Variants in PRICKLE2 observed in about 807,000 individuals in gnomAD.
The protein encoded by PRICKLE2 is prickle planar cell polarity protein 2, also known as prickle-like protein 2.
PRICKLE2 carries 21 observed loss-of-function variants against 81.4 expected under a neutral mutation model. The ratio of observed to expected loss-of-function variants is 0.26; its 90% confidence interval spans 0.18 to 0.37. The LOEUF (loss-of-function observed/expected upper bound fraction) is 0.37. Ranked by LOEUF, PRICKLE2 falls within the 10% of genes least tolerant of loss-of-function variation. PRICKLE2 has a pLI of 1.00. For synonymous variants in PRICKLE2, 456 were observed against 421.5 expected, an observed-to-expected ratio of 1.08 and a Z score of -1.00; for missense variants, 940 against 1,109.0, an observed-to-expected ratio of 0.85 and a Z score of 2.16.
intron 2 of PRICKLE2, among the ~76,000 whole-genome samples, chr3:64,167,821 C>T (rs1292581473): frequency 2.0e-5 from 3 of 152,212 alleles, no homozygotes; most frequent in Non-Finnish European, 4.4e-5. Context: ...TGTTAAAACA[C>T]AGATTTCTAA....
In PRICKLE2 at chr3:64,153,286, A is replaced by G. The variant is rs2077575900; in HGVS notation, c.683T>C (p.Val228Ala). The change falls in exon 6 of 8, where the codon GTG becomes GCG. Residue 228 changes from valine to alanine, a missense_variant. By Grantham distance (64) the Val-to-Ala change is moderately conservative. Transcript: ENST00000638394. ...KHFCCFECET[V>A]LGGQRYIMKE... ...CATGATGTAGCGCTGGCCGCCCAGC[A>G]CTGTCTCACACTCGAAGCAGCAAAA... 6.2e-7 allele frequency: 1 copy of G among 1,614,182 alleles called. No individual in the cohort carries two copies. The highest frequency in any genetic ancestry group is 8.5e-7 in the Non-Finnish European group (1 of 1,180,012).
intron 7 of PRICKLE2, among the ~76,000 whole-genome samples, chr3:64,133,827 C>T (rs1275213498): frequency 6.6e-6 from 1 of 152,114 alleles, no homozygotes; most frequent in Non-Finnish European, 1.5e-5. Flanking sequence ...TCCCCAGTTA[C>T]GGGGGTCAAC....
intron 2 of PRICKLE2, among the ~76,000 whole-genome samples, chr3:64,193,767 A>G (rs2078394409): frequency 2.6e-5 from 4 of 152,044 alleles, no homozygotes; most frequent in Admixed American, 2.6e-4. Flanking sequence ...ACGAGATCTG[A>G]TGGTTACTAT....
intron 2 of PRICKLE2, chr3:64,194,235 G>C (rs1348885832): frequency 5.3e-5 from 8 of 152,210 alleles, no homozygotes; most frequent in Admixed American, 3.3e-4. Flanking sequence ...AGCAACGTGG[G>C]ATCCCCACTT....
intron 7 of PRICKLE2, chr3:64,105,641 T>TA (rs1460915756): frequency 1.3e-5 from 2 of 152,232 alleles, no homozygotes; most frequent in Non-Finnish European, 2.9e-5. Context: ...AAAGTACACG[T>TA]GATTTATAAT....
At chr3:64,199,297 G>A in intron 1 of PRICKLE2, 3 of 438,278 alleles carry the variant, frequency 6.8e-6, no homozygotes, top group South Asian at 3.1e-5. Flanking sequence ...CACTGGATAT[G>A]GCCCATGACC....
At chr3:64,262,563 A>G (rs2079631442) in intron 2 of PRICKLE2, among the ~76,000 whole-genome samples, 1 of 151,872 alleles carries the variant, frequency 6.6e-6, no homozygotes, top group Non-Finnish European at 1.5e-5. Flanking sequence ...TGGCGTCAAC[A>G]AGGGAGCAAT....
chr3:64,187,827 G>A (rs955106679), intron 2 of PRICKLE2, among the ~76,000 whole-genome samples: 1 of 152,226 alleles, frequency 6.6e-6, no homozygotes, highest in African/African-American at 2.4e-5. Flanking sequence ...CGGTAAAGCT[G>A]GACGCCTGGC....
intron 2 of PRICKLE2, among the ~76,000 whole-genome samples, chr3:64,188,666 TAA>T (rs1268041283): frequency 2.0e-5 from 3 of 152,206 alleles, no homozygotes; most frequent in Non-Finnish European, 4.4e-5. Context: ...CCATCCAATA[TAA>T]AGTAGATAGA....
intron 2 of PRICKLE2, among the ~76,000 whole-genome samples, chr3:64,235,980 G>A (rs1360135514): frequency 6.6e-6 from 1 of 152,182 alleles, no homozygotes; most frequent in South Asian, 2.1e-4. Context: ...CTGGAGAAGA[G>A]AGGATCATGG....
At chr3:64,231,733 C>A (rs1348713252) in intron 2 of PRICKLE2, among the ~76,000 whole-genome samples, 3 of 152,176 alleles carry the variant, frequency 2.0e-5, no homozygotes, top group African/African-American at 7.2e-5. Context: ...ACTGGACATA[C>A]CAGACATCTT....
In PRICKLE2 at chr3:64,099,079, T is replaced by G; in HGVS notation, c.2507A>C (p.Gln836Pro). Residue 836 changes from glutamine (Q) to proline (P), a missense_variant, in exon 8 of 8, where the codon CAG (glutamine) becomes CCG (proline). This residue lies in a region of PRICKLE2 where 670 missense variants were observed against 717.2 expected (regional missense o/e 0.93). Transcript: ENST00000638394. This position sits in a 1 kb window ranked among gnomAD's most constrained non-coding sequence, Gnocchi z 4.3. Reference sequence around the variant, plus strand: ...AGAAATGATACAGTTTTTGCTCTTCTGTCTTTTCCTGCTGTGCAACTGTCC... The same window carrying G: ...AGAAATGATACAGTTTTTGCTCTTCGGTCTTTTCCTGCTGTGCAACTGTCC... ...GRGQLHSRKR[Q>P]KSKNCIIS 1.9e-6 allele frequency: 3 copies of G among 1,614,266 alleles called. No individual in the cohort carries two copies. Among genetic ancestry groups the G allele is most frequent in the Non-Finnish European group, 2.5e-6 (3 of 1,180,048 alleles).
chr3:64,226,359 T>G (rs2079032094), upstream of PRICKLE2, among the ~76,000 whole-genome samples: 1 of 152,204 alleles, frequency 6.6e-6, no homozygotes, highest in Non-Finnish European at 1.5e-5. Context: ...TCTATACATT[T>G]GGAGAGCCCT....
intron 1 of PRICKLE2, among the ~76,000 whole-genome samples, chr3:64,207,949 C>T (rs746257148): frequency 5.3e-5 from 8 of 152,190 alleles, no homozygotes; most frequent in African/African-American, 7.2e-5. Context: ...AGCTGGGCAG[C>T]GGCCTGACTT....
intron 2 of PRICKLE2, among the ~76,000 whole-genome samples, chr3:64,187,855 G>A (rs1366206645): frequency 6.6e-6 from 1 of 152,230 alleles, no homozygotes; most frequent in Non-Finnish European, 1.5e-5. Flanking sequence ...CCCCAGCCGG[G>A]TGGTGGTGAG....
chr3:64,150,785 G>A (rs1011485007), intron 6 of PRICKLE2, among the ~76,000 whole-genome samples: 6 of 152,168 alleles, frequency 3.9e-5, no homozygotes, highest in African/African-American at 7.2e-5. Context: ...CTAGTTCCTC[G>A]GGATGGGGGC....
chr3:64,218,356 C>T (rs2078904070), intron 1 of PRICKLE2, among the ~76,000 whole-genome samples: 1 of 152,182 alleles, frequency 6.6e-6, no homozygotes, highest in Non-Finnish European at 1.5e-5. Context: ...TGTAATTGTA[C>T]ATATAATATA....
At chr3:64,123,770 A>C (rs2077064920) in intron 7 of PRICKLE2, among the ~76,000 whole-genome samples, 1 of 152,206 alleles carries the variant, frequency 6.6e-6, no homozygotes, top group African/African-American at 2.4e-5. Context: ...TAATATCATT[A>C]AATGTTGTAT....
intron 6 of PRICKLE2, among the ~76,000 whole-genome samples, chr3:64,150,285 C>A (rs1166530234): frequency 6.6e-6 from 1 of 152,052 alleles, no homozygotes; most frequent in Non-Finnish European, 1.5e-5. Context: ...CTGCTGCATT[C>A]CAGCTGTGTG....
Sources: gnomAD v4.1 joint callset for allele counts (sites outside exome capture counted in the v4.1 genomes callset) on GRCh38, gnomAD v4.1.1 for gene constraint, gnomAD v4.1.1 regional missense constraint, Gnocchi (gnomAD v3.1) non-coding constraint, MANE v1.5 for transcripts, NCBI Gene and HGNC (gene_info 2026-07-23, HGNC 2026-07-21) for gene names.